Variants in PRKG1 observed in about 807,000 individuals in gnomAD.
The protein encoded by PRKG1 is protein kinase cGMP-dependent 1.
PRKG1 carries 35 observed loss-of-function variants against 88.1 expected under a neutral mutation model. The ratio of observed to expected loss-of-function variants is 0.40; its 90% CI spans 0.30 to 0.53. The LOEUF (loss-of-function observed/expected upper bound fraction) is 0.53, where lower values mean the gene tolerates loss of function less well. Among genes scored for constraint, PRKG1 ranks in the 20% least tolerant of loss-of-function variants. The pLI, the probability that PRKG1 is intolerant of heterozygous loss-of-function variation, is 0.59. For missense variants in PRKG1, 540 were observed against 839.8 expected (o/e 0.64, Z 4.41); for synonymous variants, 303 against 292.5 (o/e 1.04, Z -0.37).
chr10:51,588,844 T>C (rs1325060704), intron 3 of PRKG1, among the ~76,000 whole-genome samples: 1 of 152,200 alleles, frequency 6.6e-6, no homozygotes, highest in Non-Finnish European at 1.5e-5. Flanking sequence ...AGGAGATGTA[T>C]AACATCAGTT....
rs147282224 is a variant in PRKG1 at position 51,989,185 on chromosome 10, A to T, written c.763-65299A>T. Among the ~76,000 whole-genome samples, 6 of 152,226 alleles carry T rather than the reference A, an allele frequency of 3.9e-5. No homozygotes were observed. The East Asian group carries it at 1.2e-3, about 29-fold the overall frequency. The stretch of plus-strand genomic sequence containing the variant: ...AACAACAAAAATCACAGTTAAGTTG[A>T]ATCATAGGGTATGTTATCGGATGGG... On this transcript the variant is annotated intron_variant, in intron 5 of 17. Coordinates refer to ENST00000373980, the MANE Select transcript of PRKG1 (RefSeq NM_006258.4).
intron 2 of PRKG1, among the ~76,000 whole-genome samples, chr10:51,383,618 T>C (rs1837172262): frequency 6.6e-6 from 1 of 152,130 alleles, no homozygotes; most frequent in Non-Finnish European, 1.5e-5. Context: ...GAATACCTGG[T>C]TGTAACCACT....
intron 2 of PRKG1, among the ~76,000 whole-genome samples, chr10:51,373,588 G>T (rs983510038): frequency 1.3e-5 from 2 of 151,870 alleles, no homozygotes; most frequent in Admixed American, 6.6e-5. Context: ...GATGCTCTCC[G>T]CCACCCCCTA....
At chr10:51,889,026 A>T (rs1397137849) in intron 4 of PRKG1, among the ~76,000 whole-genome samples, 1 of 151,004 alleles carries the variant, frequency 6.6e-6, no homozygotes, top group Non-Finnish European at 1.5e-5. Flanking sequence ...CCTGACAGAG[A>T]GAGATTTGCA....
At chr10:51,090,270 G>A (rs539853184) in intron 1 of PRKG1, among the ~76,000 whole-genome samples, 16 of 152,220 alleles carry the variant, frequency 1.1e-4, no homozygotes, top group African/African-American at 3.9e-4. Context: ...AAAGTGCTGT[G>A]TACATGTCTA....
At chr10:51,338,325 G>C (rs1035925231) in intron 2 of PRKG1, among the ~76,000 whole-genome samples, 9 of 152,130 alleles carry the variant, frequency 5.9e-5, no homozygotes, top group African/African-American at 2.2e-4. Flanking sequence ...CCTAGGTGAT[G>C]GGTTGATAGG....
chr10:51,728,238 A>T (rs1362833292), intron 3 of PRKG1, among the ~76,000 whole-genome samples: 1 of 152,072 alleles, frequency 6.6e-6, no homozygotes, highest in Non-Finnish European at 1.5e-5. Context: ...AAAGTAATTG[A>T]TTCTGTTTCT....
intron 3 of PRKG1, among the ~76,000 whole-genome samples, chr10:51,509,970 C>T (rs560256208): frequency 3.9e-5 from 6 of 152,120 alleles, no homozygotes; most frequent in Non-Finnish European, 8.8e-5. Flanking sequence ...AGGAATTTCT[C>T]ATCTCACTGA....
intron 3 of PRKG1, among the ~76,000 whole-genome samples, chr10:51,500,786 G>A (rs1841003388): frequency 6.6e-6 from 1 of 152,144 alleles, no homozygotes; most frequent in African/African-American, 2.4e-5. Context: ...CATCCCCAAA[G>A]GGTAGGCACA....
intron 12 of PRKG1, among the ~76,000 whole-genome samples, chr10:52,276,762 C>T (rs1307955708): frequency 6.6e-6 from 1 of 152,102 alleles, no homozygotes; most frequent in Non-Finnish European, 1.5e-5. Context: ...TGTTTTAAAT[C>T]AAATTTACAT....
chr10:51,253,760 A>C (rs1839485066), intron 2 of PRKG1, among the ~76,000 whole-genome samples: 1 of 151,968 alleles, frequency 6.6e-6, no homozygotes, highest in Admixed American at 6.6e-5. Flanking sequence ...GCCCATCAGG[A>C]TGGAAAGACT....
intron 3 of PRKG1, among the ~76,000 whole-genome samples, chr10:51,526,652 A>G (rs1192835445): frequency 2.0e-5 from 3 of 152,172 alleles, no homozygotes; most frequent in African/African-American, 7.2e-5. Context: ...CTATTTTAAA[A>G]CTTTTTTAAA....
chr10:51,056,529 A>G (rs1843628163), intron 1 of PRKG1, among the ~76,000 whole-genome samples: 2 of 152,170 alleles, frequency 1.3e-5, no homozygotes, highest in Non-Finnish European at 2.9e-5. Flanking sequence ...CTAGTTTCAT[A>G]TCTTGATTAG....
At position 52,248,261 on chromosome 10, in the gene PRKG1, G is replaced by A. The variant is rs75665112; in HGVS notation, c.1077-3309G>A. Among the ~76,000 whole-genome samples the A allele has an allele frequency of 9.0e-3, 1,377 of 152,270 alleles. 23 individuals are homozygous for A. Among genetic ancestry groups the A allele is most frequent in the African/African-American group, 0.031 (1,300 of 41,566 alleles). On this transcript the variant is annotated intron_variant, in intron 9 of 17. Coordinates refer to ENST00000373980, the MANE Select transcript of PRKG1 (RefSeq NM_006258.4). The stretch of plus-strand genomic sequence containing the variant: ...GAGATTTTGTTTATGGCCAGTCTTC[G>A]GGCCAGTTTATGGCCAGATTTTGGG...
intron 5 of PRKG1, among the ~76,000 whole-genome samples, chr10:52,049,821 T>C (rs2133245346): frequency 6.6e-6 from 1 of 152,188 alleles, no homozygotes; most frequent in East Asian, 1.9e-4. Context: ...TTTGAGTCCC[T>C]ACTATGTTCC....
At chr10:52,011,559 T>C (rs550936892) in intron 5 of PRKG1, among the ~76,000 whole-genome samples, 58 of 152,324 alleles carry the variant, frequency 3.8e-4, no homozygotes, top group African/African-American at 1.4e-3. Flanking sequence ...GTTCATCCTT[T>C]TCAAGTGCTC....
At chr10:51,937,631 T>A (rs1398792438) in intron 5 of PRKG1, among the ~76,000 whole-genome samples, 1 of 152,088 alleles carries the variant, frequency 6.6e-6, no homozygotes, top group Non-Finnish European at 1.5e-5. Flanking sequence ...TTATCTAACT[T>A]CTTAGAAATA....
At chr10:51,995,551 A>T (rs575245000) in intron 5 of PRKG1, among the ~76,000 whole-genome samples, 3 of 152,066 alleles carry the variant, frequency 2.0e-5, no homozygotes, top group Non-Finnish European at 2.9e-5. Flanking sequence ...ATTATGTTAA[A>T]TTGTGTGTGT....
chr10:51,823,191 C>A (rs558664783), intron 4 of PRKG1, among the ~76,000 whole-genome samples: 17 of 151,926 alleles, frequency 1.1e-4, no homozygotes, highest in African/African-American at 3.9e-4. Flanking sequence ...GTCCTGGGAC[C>A]AAAAAGCTTG....
Sources: gnomAD v4.1 joint callset for allele counts (sites outside exome capture counted in the v4.1 genomes callset) on GRCh38, gnomAD v4.1.1 for gene constraint, MANE v1.5 for transcripts, NCBI Gene and HGNC (gene_info 2026-07-23, HGNC 2026-07-21) for gene names.